Variants in ANKS1A observed in about 807,000 individuals in gnomAD.
The protein encoded by ANKS1A is ankyrin repeat and sterile alpha motif domain containing 1A.
A neutral mutation model predicts 120.3 loss-of-function variants in ANKS1A; 55 were observed. The ratio of observed to expected loss-of-function variants is 0.46; its 90% CI spans 0.37 to 0.57. ANKS1A has a LOEUF of 0.57. Ranked by LOEUF, ANKS1A falls within the 20% of genes least tolerant of loss-of-function variation. The pLI is 0.00. For missense variants in ANKS1A, 1,123 were observed against 1,480.3 expected (o/e 0.76, Z 3.96); for synonymous variants, 590 against 604.7 (o/e 0.98, Z 0.36).
At chr6:35,053,957 C>A (rs962064733) in intron 11 of ANKS1A, 142 bp from the exon 12 acceptor site, 8 of 695,784 alleles carry the variant, frequency 1.1e-5, no homozygotes, top group Non-Finnish European at 2.1e-5. Flanking sequence ...GCAGCAGAGT[C>A]CTGATACCTT....
chr6:34,981,862 A>G lies in ANKS1A; in HGVS notation c.608A>G (p.Asn203Ser). Residue 203 changes from asparagine to serine, a missense_variant, in exon 4 of 24, where the codon AAT becomes AGT. This residue lies in a region of ANKS1A where 146 missense variants were observed against 267.8 expected (regional missense o/e 0.55). Coordinates refer to ENST00000360359, the MANE Select transcript of ANKS1A (RefSeq NM_015245.3). Reference sequence around the variant, plus strand: ...CTGGAGGTGGTGAAAATGCTCCTTAATGCACACCCCAACCTCCTGAGCTGC... The same window carrying G: ...CTGGAGGTGGTGAAAATGCTCCTTAGTGCACACCCCAACCTCCTGAGCTGC... ...GRLEVVKMLLNAHPNLLSCNT... is the reference protein window; with the variant it reads ...GRLEVVKMLLSAHPNLLSCNT... 4 of 1,614,002 alleles carry G rather than the reference A, an allele frequency of 2.5e-6. No individual in the cohort carries two copies. The highest frequency in any genetic ancestry group is 3.4e-6 in the Non-Finnish European group (4 of 1,180,002).
At chr6:35,078,932 G>A (rs548382950) in intron 14 of ANKS1A, among the ~76,000 whole-genome samples, 1 of 152,298 alleles carries the variant, frequency 6.6e-6, no homozygotes, top group South Asian at 2.1e-4. Flanking sequence ...CCTGGCCCAG[G>A]AGCCTGGTAC....
At chr6:35,081,962 C>T (rs1777708635) in intron 17 of ANKS1A, among the ~76,000 whole-genome samples, 1 of 152,238 alleles carries the variant, frequency 6.6e-6, no homozygotes, top group African/African-American at 2.4e-5. Flanking sequence ...TCACTTCTCA[C>T]TTCTGGCTCT....
intron 11 of ANKS1A, among the ~76,000 whole-genome samples, chr6:35,023,042 C>G (rs1437387138): frequency 6.6e-6 from 1 of 152,178 alleles, no homozygotes; most frequent in Non-Finnish European, 1.5e-5. Context: ...CCTTTTCTAT[C>G]TGCTTATGTG....
Position 35,085,722 on chromosome 6 carries a change from G to A in ANKS1A, c.3133-44G>A, listed in dbSNP as rs201886244. ...AGGAAGGGCATATCCAGTGTGAAGC[G>A]GCTCCTGAACCAGGTGCTTAAGTGG... On this transcript the variant is annotated intron_variant, in intron 21 of 23. Transcript: ENST00000360359. The surrounding 1 kb of genome is among the most constrained non-coding windows in gnomAD (Gnocchi z 4.7). 254 of 1,535,688 alleles carry A rather than the reference G, an allele frequency of 1.7e-4. 1 individual carries two copies. In the African/African-American group the frequency reaches 3.1e-3, roughly 19 times the overall value.
At chr6:35,002,687 C>A (rs1404111539) in intron 10 of ANKS1A, among the ~76,000 whole-genome samples, 2 of 151,908 alleles carry the variant, frequency 1.3e-5, no homozygotes, top group Non-Finnish European at 2.9e-5. Context: ...AGAATTAGTG[C>A]CTACAGACCC....
chr6:34,895,860 A>C (rs2127442873), intron 1 of ANKS1A, among the ~76,000 whole-genome samples: 1 of 125,618 alleles, frequency 8.0e-6, no homozygotes. Flanking sequence ...CACGATCTCG[A>C]CTCATTGCAG....
At chr6:34,975,871 C>T (rs1771548145) in intron 3 of ANKS1A, among the ~76,000 whole-genome samples, 1 of 151,906 alleles carries the variant, frequency 6.6e-6, no homozygotes, top group South Asian at 2.1e-4. Context: ...GGCATGGTGA[C>T]TCACACCTGT....
At chr6:34,919,737 GTGT>G (rs1480524955) in intron 1 of ANKS1A, among the ~76,000 whole-genome samples, 14 of 151,806 alleles carry the variant, frequency 9.2e-5, no homozygotes, top group Non-Finnish European at 1.9e-4. Context: ...CTGTCTAACT[GTGT>G]TGTTCTGAGA....
chr6:34,996,070 A>C (rs1772836773), intron 10 of ANKS1A, among the ~76,000 whole-genome samples: 1 of 152,232 alleles, frequency 6.6e-6, no homozygotes, highest in South Asian at 2.1e-4. Context: ...AGTGATATAC[A>C]TCTACTTGCT....
At position 34,958,626 on chromosome 6, in the gene ANKS1A, C is replaced by T. The variant is rs564158014; in HGVS notation, c.198-8613C>T. 2.6e-5 allele frequency among the ~76,000 whole-genome samples: 4 copies of T among 152,300 alleles called. No homozygotes were observed. The East Asian group carries it at 7.7e-4, about 29-fold the overall frequency. On this transcript the variant is annotated intron_variant, in intron 1 of 23. Coordinates refer to ENST00000360359, the MANE Select transcript of ANKS1A (RefSeq NM_015245.3). The stretch of plus-strand genomic sequence containing the variant: ...TTCCCCGCTTGAATCTCTTCAGCGG[C>T]ATACAGGACCCTTTCTGATTTGACT...
At position 34,902,342 on chromosome 6, in the gene ANKS1A, G is replaced by A. The variant is rs183821179; in HGVS notation, c.197+12743G>A. On this transcript the variant is annotated intron_variant, in intron 1 of 23. Transcript: ENST00000360359. ...CGGCTCCCTGCAACCTCCACCTGCC[G>A]GGTTCAAACAATTCTCCTGCCTCAG... Among the ~76,000 whole-genome samples, 945 of 151,828 alleles carry A rather than the reference G, an allele frequency of 6.2e-3. 8 individuals are homozygous for A. Among genetic ancestry groups the A allele is most frequent in the Middle Eastern group, 0.027 (8 of 292 alleles).
chr6:34,942,937 C>T (rs557936271), intron 1 of ANKS1A, among the ~76,000 whole-genome samples: 1 of 149,982 alleles, frequency 6.7e-6, no homozygotes, highest in Admixed American at 6.7e-5. Flanking sequence ...CTTCCCCCTC[C>T]TTTTCCTTTC....
chr6:35,085,736 G>C lies in ANKS1A; in HGVS notation c.3133-30G>C. 6.4e-7 allele frequency: 1 copy of C among 1,550,558 alleles called. No individual in the cohort carries two copies. The highest frequency in any genetic ancestry group is 1.2e-5 in the South Asian group (1 of 81,018). ...CAGTGTGAAGCGGCTCCTGAACCAG[G>C]TGCTTAAGTGGTGATCTGCTTCCTC... On this transcript the variant is annotated intron_variant, in intron 21 of 23. Coordinates refer to ENST00000360359, the MANE Select transcript of ANKS1A (RefSeq NM_015245.3). The surrounding 1 kb of genome is among the most constrained non-coding windows in gnomAD (Gnocchi z 4.7).
At chr6:34,995,655 T>A (rs371574771) in intron 10 of ANKS1A, among the ~76,000 whole-genome samples, 214 of 152,342 alleles carry the variant, frequency 1.4e-3, no homozygotes, top group African/African-American at 5.0e-3. Flanking sequence ...ATAAATGGAA[T>A]CATACAATCT....
At chr6:35,064,964 T>C (rs934437727) in intron 13 of ANKS1A, among the ~76,000 whole-genome samples, 4 of 152,010 alleles carry the variant, frequency 2.6e-5, no homozygotes, top group African/African-American at 9.7e-5. Context: ...CTGGACTAGC[T>C]AAATTCTGTA....
At chr6:34,997,075 G>A (rs1001536781) in intron 10 of ANKS1A, among the ~76,000 whole-genome samples, 1 of 151,940 alleles carries the variant, frequency 6.6e-6, no homozygotes, top group Non-Finnish European at 1.5e-5. Flanking sequence ...GGTTCTTAGT[G>A]TGCACAGCTT....
intron 10 of ANKS1A, among the ~76,000 whole-genome samples, chr6:34,999,805 T>G (rs887805668): frequency 6.6e-6 from 1 of 151,652 alleles, no homozygotes; most frequent in African/African-American, 2.4e-5. Context: ...CATAAGCGGC[T>G]GGCAGAGGCA....
At chr6:34,891,544 A>G (rs888913489) in intron 1 of ANKS1A, among the ~76,000 whole-genome samples, 2 of 151,908 alleles carry the variant, frequency 1.3e-5, no homozygotes, top group South Asian at 4.2e-4. Flanking sequence ...GCATTTGGAG[A>G]TTTTCCAGAG....
Sources: allele counts gnomAD v4.1 joint callset (sites outside exome capture counted in the v4.1 genomes callset), GRCh38; gene constraint gnomAD v4.1.1; regional missense constraint gnomAD v4.1.1; non-coding constraint Gnocchi (gnomAD v3.1); transcripts MANE v1.5; gene names NCBI Gene and HGNC (gene_info 2026-07-23, HGNC 2026-07-21).